METTL8: variants seen among roughly 807,000 people sequenced by gnomAD.
METTL8 encodes the protein tRNA N(3)-cytidine methyltransferase METTL8, mitochondrial.
In METTL8, 32 loss-of-function variants were observed where a neutral mutation model predicts 48.7. The ratio of observed to expected loss-of-function variants is 0.66; its 90% CI spans 0.50 to 0.88. The LOEUF (loss-of-function observed/expected upper bound fraction) is 0.88, where lower values mean the gene tolerates loss of function less well. Ranked by LOEUF, METTL8 falls within the 40% of genes least tolerant of loss-of-function variation. The pLI is 0.00. For synonymous variants in METTL8, 136 were observed against 157.1 expected, an observed-to-expected ratio of 0.87 and a Z score of 1.01; for missense variants, 464 against 474.4, an observed-to-expected ratio of 0.98 and a Z score of 0.20.
At chr2:171,337,130 G>A (rs1394072526) in intron 5 of METTL8, among the ~76,000 whole-genome samples, 2 of 152,048 alleles carry the variant, frequency 1.3e-5, no homozygotes, top group African/African-American at 4.8e-5. Flanking sequence ...GCCACCCAAA[G>A]TGCTGTGATT....
At chr2:171,330,368 A>T (rs1343442901) in intron 7 of METTL8, among the ~76,000 whole-genome samples, 191 bp downstream of exon 7, 1 of 152,230 alleles carries the variant, frequency 6.6e-6, no homozygotes, top group African/African-American at 2.4e-5. Context: ...CTCATTAATG[A>T]AGTAGTCTGA....
rs201447501 is a variant in METTL8 at position 171,372,933 on chromosome 2, G to A, written c.144-12420C>T. ...AGTCTTTGCTATTGTGAATAGTGCC[G>A]CAATAAACATACGTGTGCATGTGTC... On this transcript the variant is annotated intron_variant, in intron 2 of 9. Transcript: ENST00000375258. Among the ~76,000 whole-genome samples, 343 of 152,198 alleles carry A rather than the reference G, an allele frequency of 2.3e-3. 2 individuals carry two copies. Among genetic ancestry groups the A allele is most frequent in the East Asian group, 0.021 (108 of 5,180 alleles).
chr2:171,421,122 T>A (rs557999043), intron 1 of METTL8, among the ~76,000 whole-genome samples: 24 of 152,200 alleles, frequency 1.6e-4, no homozygotes, highest in Admixed American at 3.3e-4. Context: ...CCTAACGATA[T>A]GATTATCTAC....
intron 2 of METTL8, among the ~76,000 whole-genome samples, chr2:171,363,533 T>A (rs1050515976): frequency 7.2e-5 from 11 of 151,862 alleles, no homozygotes; most frequent in Non-Finnish European, 1.5e-4. Flanking sequence ...ATTGTACTTC[T>A]GGGAACTTAC....
In METTL8 at chr2:171,419,011, G is replaced by A. The variant is rs562847526; in HGVS notation, c.-13+14872C>T. 4.0e-4 allele frequency among the ~76,000 whole-genome samples: 60 copies of A among 148,578 alleles called. 1 individual carries two copies. Among genetic ancestry groups the A allele is most frequent in the Admixed American group, 3.5e-3 (52 of 15,070 alleles). ...ATAGTCACGCAGCGTGACAGAGTGA[G>A]ACCCTGTCTCAAAAAAAAAAAAAAA... On this transcript the variant is annotated intron_variant, in intron 1 of 9. Transcript: ENST00000375258.
intron 2 of METTL8, among the ~76,000 whole-genome samples, chr2:171,373,099 A>G (rs1165014160): frequency 2.0e-5 from 3 of 152,244 alleles, no homozygotes; most frequent in Non-Finnish European, 2.9e-5. Flanking sequence ...CAGTCCCACC[A>G]ACAGTGTAAA....
chr2:171,418,189 C>T (rs901666715), intron 1 of METTL8, among the ~76,000 whole-genome samples: 24 of 152,152 alleles, frequency 1.6e-4, no homozygotes, highest in Admixed American at 1.1e-3. Context: ...ATGATCCACC[C>T]GTGTCAATCT....
At chr2:171,368,710 C>T (rs1488732061) in intron 2 of METTL8, among the ~76,000 whole-genome samples, 2 of 151,986 alleles carry the variant, frequency 1.3e-5, no homozygotes, top group Non-Finnish European at 2.9e-5. Context: ...AGGATCTATC[C>T]AAAGTGCAAG....
chr2:171,419,839 C>A (rs1691697950), intron 1 of METTL8, among the ~76,000 whole-genome samples: 1 of 152,008 alleles, frequency 6.6e-6, no homozygotes, highest in Non-Finnish European at 1.5e-5. Context: ...TAGTCTCAGA[C>A]AAAATAGTTC....
intron 2 of METTL8, among the ~76,000 whole-genome samples, chr2:171,364,303 CTATGTT>C (rs1685500912): frequency 6.6e-6 from 1 of 152,026 alleles, no homozygotes; most frequent in Non-Finnish European, 1.5e-5. Context: ...AACCTGTACT[CTATGTT>C]TAAGACATAC....
chr2:171,338,022 A>G (rs1207779834), intron 4 of METTL8, among the ~76,000 whole-genome samples: 1 of 152,226 alleles, frequency 6.6e-6, no homozygotes, highest in Admixed American at 6.5e-5. Context: ...TATTAGTACA[A>G]CTTCTTAGAA....
At chr2:171,340,726 C>G (rs374760829) in intron 3 of METTL8, among the ~76,000 whole-genome samples, 1 of 152,118 alleles carries the variant, frequency 6.6e-6, no homozygotes, top group Non-Finnish European at 1.5e-5. Context: ...ACTCCAACCT[C>G]CCTTTTTGCA....
chr2:171,325,839 A>G lies in METTL8; in HGVS notation c.1033+2T>C, dbSNP rs755445191. ...ATTATTTCCTTTTGTAGATTAGCAT[A>G]CCTTTTGTAAAGAAATATGCTCTGG... On this transcript the variant is annotated splice_donor_variant, in intron 9 of 9. Coordinates refer to ENST00000375258, the MANE Select transcript of METTL8 (RefSeq NM_001321154.2). LOFTEE classifies it high-confidence loss of function. 2 of 1,550,490 alleles carry G rather than the reference A, an allele frequency of 1.3e-6. No individual in the cohort carries two copies. The highest frequency in any genetic ancestry group is 4.5e-5 in the East Asian group (2 of 44,542).
chr2:171,406,508 T>C (rs1690193467), intron 1 of METTL8, among the ~76,000 whole-genome samples: 2 of 152,212 alleles, frequency 1.3e-5, no homozygotes, highest in African/African-American at 4.8e-5. Context: ...AGCCACCTTC[T>C]CATTGTGTCC....
chr2:171,385,488 T>G (rs1436695273), intron 2 of METTL8, among the ~76,000 whole-genome samples: 1 of 152,210 alleles, frequency 6.6e-6, no homozygotes, highest in Non-Finnish European at 1.5e-5. Context: ...ACACATCTTC[T>G]CCTTAAGAAG....
intron 1 of METTL8, among the ~76,000 whole-genome samples, chr2:171,413,436 T>TA (rs903851199): frequency 2.0e-5 from 3 of 152,204 alleles, no homozygotes; most frequent in African/African-American, 2.4e-5. Context: ...GCAAAAAATG[T>TA]AAAACAATGC....
Position 171,324,008 on chromosome 2 carries a change from C to T in METTL8, c.*164G>A, listed in dbSNP as rs1684681289. On this transcript the variant is annotated 3_prime_UTR_variant, in exon 10 of 10. Coordinates refer to ENST00000375258, the MANE Select transcript of METTL8 (RefSeq NM_001321154.2). ...CAGAAAAAGGCATACTGTGCTGAACCACTTACATGTGCTTAAAATGCACAA... is the reference window on the plus strand; with the variant it reads ...CAGAAAAAGGCATACTGTGCTGAACTACTTACATGTGCTTAAAATGCACAA... 1.7e-6 allele frequency: 1 copy of T among 573,084 alleles called. No homozygotes were observed. Among genetic ancestry groups the T allele is most frequent in the Non-Finnish European group, 3.0e-6 (1 of 333,362 alleles). The allele number at this position is 573,084 out of a possible 1,614,324, so 35.5% of individuals were successfully genotyped here.
rs1485402234 is a variant in METTL8 at position 171,317,992 on chromosome 2, CTAT to C, written c.*6177_*6179del. On this transcript the variant is annotated 3_prime_UTR_variant, in exon 10 of 10. Coordinates refer to ENST00000375258, the MANE Select transcript of METTL8 (RefSeq NM_001321154.2). The stretch of plus-strand genomic sequence containing the variant: ...CCTCTGTAGGCACTCACACGCAGAA[CTAT>C]TATTACTTGCTTGTTACTGCATGTT... 1 of 152,186 alleles carries C rather than the reference CTAT, an allele frequency of 6.6e-6. No homozygotes were observed. Among genetic ancestry groups the C allele is most frequent in the African/African-American group, 2.4e-5 (1 of 41,434 alleles). 9.4% of individuals were successfully genotyped at this position (152,186 alleles called of 1,614,324 possible).
At chr2:171,404,620 A>T (rs1433143317) in intron 1 of METTL8, among the ~76,000 whole-genome samples, 1 of 152,200 alleles carries the variant, frequency 6.6e-6, no homozygotes, top group African/African-American at 2.4e-5. Context: ...TGGGTAAATG[A>T]ACCATGGAAA....
Sources: allele counts gnomAD v4.1 joint callset (sites outside exome capture counted in the v4.1 genomes callset), GRCh38; gene constraint gnomAD v4.1.1; transcripts MANE v1.5; gene names NCBI Gene and HGNC (gene_info 2026-07-23, HGNC 2026-07-21).